The following F8 variants were observed in gnomAD, a reference collection of about 807,000 sequenced individuals.
F8 encodes antihemophilic factor.
Under a neutral mutation model 140.6 loss-of-function variants are expected in F8, and 12 were observed. The observed-to-expected ratio is 0.09, with a 90% CI of 0.05 to 0.14. F8 has a LOEUF of 0.14. F8 is among the 10% of genes least tolerant of loss of function. The pLI is 1.00. For synonymous variants in F8, 585 were observed against 614.6 expected, an observed-to-expected ratio of 0.95 and a Z score of 0.71; for missense variants, 1,354 against 1,720.7, an observed-to-expected ratio of 0.79 and a Z score of 3.77.
rs1012714242 is a variant in F8 at position 154,836,647 on chromosome X, A to G, written c.*950T>C. The G allele has an allele frequency of 1.8e-5, 2 of 111,917 alleles. No homozygotes were observed. The highest frequency in any genetic ancestry group is 9.5e-5 in the Admixed American group (1 of 10,554). 9.2% of individuals were successfully genotyped at this position (111,917 alleles called of 1,213,427 possible). A position where few individuals can be genotyped will look rare whatever the true frequency, so the allele number is the denominator to read the frequency against. ...TAGAATTACAAAGTTTGTATCTCCT[A>G]TCTCAGATAACCATGGATTTTCCTC... On this transcript the variant is annotated 3_prime_UTR_variant, in exon 26 of 26. Transcript: ENST00000360256.
rs782387441 is a variant in F8 at position 154,867,912 on chromosome X, C to A, written c.6430-4685G>T. Among the ~76,000 whole-genome samples, 80 of 110,190 alleles carry A rather than the reference C, an allele frequency of 7.3e-4. 1 individual carries two copies. The highest frequency in any genetic ancestry group is 2.6e-3 in the African/African-American group (78 of 30,303). ...TGGGCAAATCAATCAATGTGATATA[C>A]CACATTATCAGAATGAAAGATGAAA... On this transcript the variant is annotated intron_variant, in intron 22 of 25. Coordinates refer to ENST00000360256, the MANE Select transcript of F8 (RefSeq NM_000132.4).
Position 154,930,616 on chromosome X carries a change from A to G in F8, c.3174T>C (p.Phe1058=), listed in dbSNP as rs1557278687. The G allele has an allele frequency of 2.5e-6, 3 of 1,209,476 alleles. No homozygotes were observed. The highest frequency in any genetic ancestry group is 1.1e-6 in the Non-Finnish European group (1 of 893,472). Residue 1058 remains phenylalanine, a synonymous_variant, in exon 14 of 26, where the codon TTT becomes TTC. Coordinates refer to ENST00000360256, the MANE Select transcript of F8 (RefSeq NM_000132.4). The part of the protein sequence containing the change: ...WQNILESDTE[F]KKVTPLIHDR... ...CATGAATCAAAGGTGTCACTTTTTTAAACTCAGTGTCACTTTCTAATATAT... is the reference window on the plus strand; with the variant it reads ...CATGAATCAAAGGTGTCACTTTTTTGAACTCAGTGTCACTTTCTAATATAT...
chrX:154,958,946 A>G (rs782209752), intron 10 of F8, among the ~76,000 whole-genome samples: 1 of 111,928 alleles, frequency 8.9e-6, no homozygotes, highest in Non-Finnish European at 1.9e-5. Flanking sequence ...CTGTCTGCCC[A>G]TCATGTGATA....
At chrX:154,986,789 A>C (rs1603436205) in intron 5 of F8, among the ~76,000 whole-genome samples, 1 of 111,465 alleles carries the variant, frequency 9.0e-6, no homozygotes, top group African/African-American at 3.3e-5. Context: ...CGGAGGTACT[A>C]ACACTATTGA....
intron 12 of F8, among the ~76,000 whole-genome samples, chrX:154,948,290 A>G (rs1557280474): frequency 8.9e-6 from 1 of 111,826 alleles, no homozygotes; most frequent in African/African-American, 3.2e-5. Context: ...AGTTACTTGT[A>G]CTAGATCCCT....
chrX:154,930,623 G>A lies in F8; in HGVS notation c.3167C>T (p.Thr1056Ile), dbSNP rs151257871. The A allele has an allele frequency of 6.6e-6, 8 of 1,208,341 alleles. No individual in the cohort carries two copies. The African/African-American group carries it at 1.4e-4, about 21-fold the overall frequency. Residue 1056 changes from threonine (T) to isoleucine (I), a missense_variant, in exon 14 of 26, where the codon ACT becomes ATT. Around this residue, in one of 4 missense-constraint regions of F8, gnomAD observed 658 missense variants for 666.5 expected, o/e 0.99. Coordinates refer to ENST00000360256, the MANE Select transcript of F8 (RefSeq NM_000132.4). ...CAAAGGTGTCACTTTTTTAAACTCA[G>A]TGTCACTTTCTAATATATTTTGCCA... ...SVWQNILESD[T>I]EFKKVTPLIH...
chrX:154,962,716 A>T (rs782432527), intron 9 of F8, among the ~76,000 whole-genome samples: 1 of 111,259 alleles, frequency 9.0e-6, no homozygotes, highest in East Asian at 2.8e-4. Context: ...AAATAAAAAA[A>T]TTAGCTAGGC....
chrX:154,970,330 A>G (rs913020859), intron 6 of F8, among the ~76,000 whole-genome samples: 1 of 111,918 alleles, frequency 8.9e-6, no homozygotes, highest in Non-Finnish European at 1.9e-5. Context: ...CCAAGTAGTC[A>G]TGTGTTCAGA....
intron 14 of F8, chrX:154,909,760 C>T (rs967904868): frequency 8.9e-6 from 1 of 112,317 alleles, no homozygotes; most frequent in Non-Finnish European, 1.9e-5. Context: ...TTTGGGGATA[C>T]ATGTGATATT....
chrX:154,987,118 C>A, intron 5 of F8, 119 bp downstream of exon 5: 1 of 575,422 alleles, frequency 1.7e-6, no homozygotes, highest in African/African-American at 2.3e-5. Flanking sequence ...TCATTTTTAA[C>A]CCCATCTCCT....
intron 1 of F8, among the ~76,000 whole-genome samples, chrX:155,014,459 A>G (rs1457017281): frequency 8.9e-6 from 1 of 112,351 alleles, no homozygotes; most frequent in Non-Finnish European, 1.9e-5. Flanking sequence ...AAAAATAAAA[A>G]GCATCCAGTT....
chrX:155,003,960 C>CAAAAAA (rs869097926), intron 1 of F8, among the ~76,000 whole-genome samples: 6 of 33,157 alleles, frequency 1.8e-4, no homozygotes, highest in Non-Finnish European at 2.6e-4. Context: ...GATTCTGTCT[C>CAAAAAA]AAAAAAAAAA....
In F8 at chrX:155,016,815, G is replaced by A. The variant is rs1231484901; in HGVS notation, c.143+5595C>T. Among the ~76,000 whole-genome samples the A allele has an allele frequency of 9.8e-5, 11 of 112,485 alleles. 1 individual carries two copies. In the Admixed American group the frequency reaches 1.0e-3, roughly 11 times the overall value. On this transcript the variant is annotated intron_variant, in intron 1 of 25. Coordinates refer to ENST00000360256, the MANE Select transcript of F8 (RefSeq NM_000132.4). ...GCATGTTGATTAGGGTGGTGGTTAT[G>A]CAAGTGTATGCATTTGTCAAAACTC...
At position 154,930,192 on chromosome X, in the gene F8, T is replaced by A; in HGVS notation, c.3598A>T (p.Asn1200Tyr). ...TTGTGTGTATTATTTTCATGTAAAT[T>A]ATCCAAGTTAGTAAGAAATAGGTTT... is the stretch of plus-strand genomic sequence containing the variant. ...SRNLFLTNLD[N>Y]LHENNTHNQE... Residue 1200 changes from asparagine (N) to tyrosine (Y), a missense_variant, in exon 14 of 26, where the codon AAT (asparagine) becomes TAT (tyrosine). Coordinates refer to ENST00000360256, the MANE Select transcript of F8 (RefSeq NM_000132.4). 1 of 1,208,093 alleles carries A rather than the reference T, an allele frequency of 8.3e-7. No homozygotes were observed. The highest frequency in any genetic ancestry group is 1.1e-6 in the Non-Finnish European group (1 of 894,018).
chrX:154,987,414 G>T, intron 4 of F8, 109 bp from the exon 5 acceptor site: 1 of 653,388 alleles, frequency 1.5e-6, no homozygotes, highest in Non-Finnish European at 2.4e-6. Context: ...AAGAACAAAT[G>T]TAGTCTTCTG....
rs781921406 is a variant in F8, at chrX:154,908,704, T to C, written c.5220-2131A>G. Among the ~76,000 whole-genome samples the C allele has an allele frequency of 1.8e-4, 20 of 112,003 alleles. No individual in the cohort carries two copies. The South Asian group carries it at 7.5e-3, about 42-fold the overall frequency. On this transcript the variant is annotated intron_variant, in intron 14 of 25. Transcript: ENST00000360256. ...TTTCTAGGTACTTGTTAGTATTCTA[T>C]TCCACTATTTATTTTGTTTTTACTT...
chrX:155,005,518 G>A (rs1473351153), intron 1 of F8, among the ~76,000 whole-genome samples: 2 of 111,130 alleles, frequency 1.8e-5, no homozygotes, highest in African/African-American at 6.6e-5. Context: ...CTCAAGAAAA[G>A]CTAAAGCAGC....
At chrX:154,906,639 C>A in intron 14 of F8, 66 bp from the exon 15 acceptor site, 1 of 1,040,619 alleles carries the variant, frequency 9.6e-7, no homozygotes, top group Non-Finnish European at 1.3e-6. Context: ...TGCCTCACAT[C>A]CTCATTTTCC....
At chrX:155,008,737 A>C (rs1225542356) in intron 1 of F8, among the ~76,000 whole-genome samples, 1 of 109,498 alleles carries the variant, frequency 9.1e-6, no homozygotes, top group Non-Finnish European at 1.9e-5. Context: ...CTACCAGGGC[A>C]TGCCCCGCCC....
Sources: gnomAD v4.1 joint callset for allele counts (sites outside exome capture counted in the v4.1 genomes callset) on GRCh38, gnomAD v4.1.1 for gene constraint, gnomAD v4.1.1 regional missense constraint, MANE v1.5 for transcripts, NCBI Gene and HGNC (gene_info 2026-07-23, HGNC 2026-07-21) for gene names.